DIAPH3: variants seen among roughly 807,000 people sequenced by gnomAD.
DIAPH3 encodes the protein protein diaphanous homolog 3.
In DIAPH3, 117 loss-of-function variants were observed where a neutral mutation model predicts 144.3. The observed-to-expected ratio is 0.81, with a 90% CI of 0.70 to 0.95. DIAPH3 has a LOEUF of 0.95. Among genes scored for constraint, DIAPH3 ranks in the 40% least tolerant of loss-of-function variants. The pLI is 0.00. For synonymous variants in DIAPH3, 519 were observed against 488.9 expected (o/e 1.06, Z -0.81); for missense variants, 1,421 against 1,412.7 (o/e 1.01, Z -0.09).
chr13:59,863,410 A>C (rs1257557047), intron 21 of DIAPH3, among the ~76,000 whole-genome samples: 2 of 152,132 alleles, frequency 1.3e-5, no homozygotes. Context: ...ATTGGCTCCT[A>C]AATAAATTCC....
intron 27 of DIAPH3, among the ~76,000 whole-genome samples, chr13:59,691,902 A>T (rs2033543834): frequency 6.6e-6 from 1 of 152,170 alleles, no homozygotes; most frequent in Non-Finnish European, 1.5e-5. Flanking sequence ...TTAGTTAAAA[A>T]TAATCCTGAC....
At chr13:60,139,922 G>A (rs2059389891) in intron 1 of DIAPH3, among the ~76,000 whole-genome samples, 1 of 152,128 alleles carries the variant, frequency 6.6e-6, no homozygotes, top group South Asian at 2.1e-4. Flanking sequence ...CATGTCCAGG[G>A]AAAAGCAAAT....
At chr13:59,841,058 G>C (rs1336064610) in intron 22 of DIAPH3, among the ~76,000 whole-genome samples, 7 of 151,956 alleles carry the variant, frequency 4.6e-5, no homozygotes, top group Non-Finnish European at 8.8e-5. Context: ...CCACAACCAA[G>C]ATTCTATTTG....
chr13:59,988,075 A>C (rs1405304272), intron 12 of DIAPH3, among the ~76,000 whole-genome samples: 1 of 151,768 alleles, frequency 6.6e-6, no homozygotes, highest in Non-Finnish European at 1.5e-5. Flanking sequence ...CTTACCTTAC[A>C]CCTAATAAAC....
intron 4 of DIAPH3, among the ~76,000 whole-genome samples, chr13:60,052,504 G>A (rs2141251301): frequency 6.6e-6 from 1 of 152,126 alleles, no homozygotes; most frequent in South Asian, 2.1e-4. Flanking sequence ...CAATCAACTA[G>A]GTAGCCCAGT....
chr13:59,856,650 T>A (rs1297859992), intron 22 of DIAPH3, among the ~76,000 whole-genome samples: 1 of 152,100 alleles, frequency 6.6e-6, no homozygotes, highest in Admixed American at 6.6e-5. Flanking sequence ...TCATTTTAAC[T>A]CTCCTCTCTT....
At chr13:59,675,128 C>G (rs1413581656) in intron 27 of DIAPH3, among the ~76,000 whole-genome samples, 2 of 152,258 alleles carry the variant, frequency 1.3e-5, no homozygotes, top group African/African-American at 4.8e-5. Flanking sequence ...TGCGATGGTG[C>G]CATGATGGCT....
chr13:60,122,940 A>T (rs2058885484), intron 2 of DIAPH3, among the ~76,000 whole-genome samples: 1 of 152,130 alleles, frequency 6.6e-6, no homozygotes, highest in Non-Finnish European at 1.5e-5. Flanking sequence ...TTAATAATAT[A>T]TACTTGAGAA....
At chr13:60,053,082 T>A (rs1304868650) in intron 4 of DIAPH3, among the ~76,000 whole-genome samples, 1 of 151,726 alleles carries the variant, frequency 6.6e-6, no homozygotes, top group Non-Finnish European at 1.5e-5. Context: ...AACTACCTTT[T>A]ATTATATTAC....
At chr13:59,737,110 A>G (rs192862308) in intron 27 of DIAPH3, among the ~76,000 whole-genome samples, 283 of 152,322 alleles carry the variant, frequency 1.9e-3, no homozygotes, top group African/African-American at 6.5e-3. Context: ...TTCATGACGA[A>G]GGTGCCAAAA....
At chr13:59,750,772 C>A (rs2036966237) in intron 27 of DIAPH3, among the ~76,000 whole-genome samples, 1 of 152,200 alleles carries the variant, frequency 6.6e-6, no homozygotes, top group African/African-American at 2.4e-5. Context: ...TCTCCTATAG[C>A]CTCTGGGCAT....
At chr13:60,057,941 CT>C (rs2056619760) in intron 4 of DIAPH3, among the ~76,000 whole-genome samples, 1 of 151,692 alleles carries the variant, frequency 6.6e-6, no homozygotes, top group Non-Finnish European at 1.5e-5. Flanking sequence ...CATTAAAATT[CT>C]AAATGAAAAC....
At chr13:60,001,201 G>A (rs1044390434) in intron 9 of DIAPH3, among the ~76,000 whole-genome samples, 1 of 152,160 alleles carries the variant, frequency 6.6e-6, no homozygotes, top group African/African-American at 2.4e-5. Context: ...GTGCAGGCAA[G>A]TTCAAAGTTC....
chr13:59,892,975 C>G (rs1226941735), intron 20 of DIAPH3, among the ~76,000 whole-genome samples: 1 of 151,942 alleles, frequency 6.6e-6, no homozygotes, highest in Non-Finnish European at 1.5e-5. Flanking sequence ...TAAGATAACA[C>G]AAAGTAAGTT....
chr13:59,711,103 ATTG>A (rs1167601671), intron 27 of DIAPH3, among the ~76,000 whole-genome samples: 2 of 152,224 alleles, frequency 1.3e-5, no homozygotes, highest in Non-Finnish European at 1.5e-5. Flanking sequence ...TAGTTAGATA[ATTG>A]TTGTGTACTT....
chr13:59,817,923 A>T (rs926753919), intron 24 of DIAPH3, among the ~76,000 whole-genome samples: 2 of 151,918 alleles, frequency 1.3e-5, no homozygotes, highest in African/African-American at 2.4e-5. Flanking sequence ...TCAATTTATA[A>T]ATTTATGTAA....
chr13:60,114,062 G>C (rs1292758926), intron 2 of DIAPH3, among the ~76,000 whole-genome samples: 1 of 152,214 alleles, frequency 6.6e-6, no homozygotes, highest in Non-Finnish European at 1.5e-5. Flanking sequence ...TCTGGACTTT[G>C]AAAGAGCATG....
At chr13:59,668,942 T>C (rs1566165795) in intron 27 of DIAPH3, among the ~76,000 whole-genome samples, 1 of 151,942 alleles carries the variant, frequency 6.6e-6, no homozygotes, top group Admixed American at 6.6e-5. Flanking sequence ...CCTCAGCATA[T>C]AGATTGAGGG....
At chr13:59,876,236 A>AT (rs1468861908) in intron 21 of DIAPH3, among the ~76,000 whole-genome samples, 1 of 152,206 alleles carries the variant, frequency 6.6e-6, no homozygotes, top group Non-Finnish European at 1.5e-5. Flanking sequence ...GCTACTTCTG[A>AT]TAACAAATAT....
Sources: allele counts gnomAD v4.1 joint callset (sites outside exome capture counted in the v4.1 genomes callset), GRCh38; gene constraint gnomAD v4.1.1; transcripts MANE v1.5; gene names NCBI Gene and HGNC (gene_info 2026-07-23, HGNC 2026-07-21).